Variants in UMAD1 observed in about 807,000 individuals in gnomAD.
The protein encoded by UMAD1 is UBAP1-MVB12-associated (UMA)-domain containing protein 1.
Under a neutral mutation model 6.1 loss-of-function variants are expected in UMAD1, and 8 were observed. The ratio of observed to expected loss-of-function variants is 1.30; its 90% CI spans 0.76 to 2.35. The LOEUF (loss-of-function observed/expected upper bound fraction) is 2.35, where lower values mean the gene tolerates loss of function less well. UMAD1 is among the 30% of genes most tolerant of loss of function. UMAD1 has a pLI of 0.00. For synonymous variants in UMAD1, 56 were observed against 31.4 expected, an observed-to-expected ratio of 1.78 and a Z score of -2.61; for missense variants, 130 against 78.4, an observed-to-expected ratio of 1.66 and a Z score of -2.49.
chr7:7,640,900 G>C, intron 1 of UMAD1, 79 bp downstream of exon 1: 1 of 172,222 alleles, frequency 5.8e-6, no homozygotes. Flanking sequence ...GAGCTAGGCG[G>C]GAGTCGGCAC....
At chr7:7,720,527 A>G (rs1028162368) in intron 2 of UMAD1, among the ~76,000 whole-genome samples, 1 of 152,214 alleles carries the variant, frequency 6.6e-6, no homozygotes, top group Non-Finnish European at 1.5e-5. Flanking sequence ...TTAGTACAGT[A>G]CTATAGTGCT....
chr7:7,667,913 T>C (rs1470922767), intron 1 of UMAD1, among the ~76,000 whole-genome samples: 4 of 152,196 alleles, frequency 2.6e-5, no homozygotes, highest in African/African-American at 4.8e-5. Flanking sequence ...ATACTTAACC[T>C]AGTTTTTCAC....
intron 2 of UMAD1, among the ~76,000 whole-genome samples, chr7:7,677,713 G>A (rs1229753039): frequency 7.8e-5 from 9 of 115,932 alleles, no homozygotes; most frequent in Admixed American, 2.3e-4. Context: ...TCGCTCTGTC[G>A]CCCAGGCTGG....
At chr7:7,805,959 A>C (rs1202945354) in intron 3 of UMAD1, among the ~76,000 whole-genome samples, 1 of 152,214 alleles carries the variant, frequency 6.6e-6, no homozygotes, top group African/African-American at 2.4e-5. Context: ...GTATGTCTAG[A>C]ATAGTGTCTG....
At chr7:7,648,406 G>T (rs540508835) in intron 1 of UMAD1, among the ~76,000 whole-genome samples, 3 of 152,258 alleles carry the variant, frequency 2.0e-5, no homozygotes, top group African/African-American at 7.2e-5. Flanking sequence ...TGTTCCAGGT[G>T]TGTCTGTCTT....
intron 3 of UMAD1, among the ~76,000 whole-genome samples, chr7:7,818,723 G>T (rs954740265): frequency 5.3e-5 from 8 of 152,186 alleles, no homozygotes; most frequent in African/African-American, 1.9e-4. Flanking sequence ...TATGTTCATT[G>T]TAGCACTATT....
At chr7:7,783,940 A>G (rs1335279946) in intron 2 of UMAD1, among the ~76,000 whole-genome samples, 1 of 152,240 alleles carries the variant, frequency 6.6e-6, no homozygotes, top group Non-Finnish European at 1.5e-5. Context: ...GAAATTAAAG[A>G]TGAAGAAGAA....
intron 2 of UMAD1, among the ~76,000 whole-genome samples, chr7:7,796,540 C>T (rs534534890): frequency 7.9e-5 from 12 of 152,048 alleles, no homozygotes; most frequent in African/African-American, 2.2e-4. Context: ...CGTGAGCCAC[C>T]GTGCCCGGCC....
At chr7:7,679,870 A>G (rs1264338098) in intron 2 of UMAD1, among the ~76,000 whole-genome samples, 1 of 151,396 alleles carries the variant, frequency 6.6e-6, no homozygotes, top group Non-Finnish European at 1.5e-5. Context: ...TGGCCTGCCC[A>G]TTTTAAAATT....
At chr7:7,854,872 T>G (rs1783986105) in intron 3 of UMAD1, among the ~76,000 whole-genome samples, 1 of 152,206 alleles carries the variant, frequency 6.6e-6, no homozygotes, top group Non-Finnish European at 1.5e-5. Flanking sequence ...GCAGGTTAGT[T>G]GCTTCCTAGA....
At chr7:7,789,613 C>G (rs1039058011) in intron 2 of UMAD1, among the ~76,000 whole-genome samples, 1 of 121,954 alleles carries the variant, frequency 8.2e-6, no homozygotes, top group Admixed American at 7.8e-5. Flanking sequence ...AACAAAATAC[C>G]CCTTCTCCCC....
chr7:7,667,709 C>A (rs17546242), intron 1 of UMAD1, among the ~76,000 whole-genome samples: 1 of 152,148 alleles, frequency 6.6e-6, no homozygotes, highest in Non-Finnish European at 1.5e-5. Flanking sequence ...CTGACAAAGA[C>A]AGAAATGGAA....
intron 1 of UMAD1, among the ~76,000 whole-genome samples, chr7:7,656,098 G>C (rs1785335583): frequency 6.6e-6 from 1 of 152,066 alleles, no homozygotes; most frequent in Non-Finnish European, 1.5e-5. Flanking sequence ...GCCTCCCAAA[G>C]TACTGAGATT....
intron 2 of UMAD1, among the ~76,000 whole-genome samples, chr7:7,696,543 C>T (rs1343469595): frequency 6.6e-6 from 1 of 152,088 alleles, no homozygotes; most frequent in Non-Finnish European, 1.5e-5. Flanking sequence ...GTCATTTGAT[C>T]CCAGGGAAGT....
chr7:7,693,067 A>G (rs949967536), intron 2 of UMAD1, among the ~76,000 whole-genome samples: 2 of 152,128 alleles, frequency 1.3e-5, no homozygotes, highest in African/African-American at 4.8e-5. Flanking sequence ...TATCTACTTC[A>G]TTATTCTGTA....
intron 3 of UMAD1, among the ~76,000 whole-genome samples, chr7:7,860,669 G>A (rs1045239567): frequency 6.6e-6 from 1 of 150,452 alleles, no homozygotes; most frequent in Non-Finnish European, 1.5e-5. Context: ...CAGTTACTCG[G>A]GAGGCTGAGG....
At chr7:7,753,993 G>A (rs1781728699) in intron 2 of UMAD1, among the ~76,000 whole-genome samples, 3 of 152,082 alleles carry the variant, frequency 2.0e-5, no homozygotes, top group Admixed American at 2.0e-4. Context: ...AGACCAGCCT[G>A]ACCAACATGG....
At chr7:7,678,138 T>C (rs949369182) in intron 2 of UMAD1, among the ~76,000 whole-genome samples, 3 of 21,540 alleles carry the variant, frequency 1.4e-4, no homozygotes, top group Non-Finnish European at 2.4e-4. Context: ...GTAGTTCTGT[T>C]TTTAGTTTTT....
intron 1 of UMAD1, among the ~76,000 whole-genome samples, chr7:7,672,281 AGTT>A (rs915060113): frequency 2.4e-4 from 37 of 152,232 alleles, no homozygotes; most frequent in African/African-American, 8.2e-4. Context: ...CTTTCTCCCC[AGTT>A]GTTTTCTAGA....
Sources: allele counts gnomAD v4.1 joint callset (sites outside exome capture counted in the v4.1 genomes callset), GRCh38; gene constraint gnomAD v4.1.1; transcripts MANE v1.5; gene names NCBI Gene and HGNC (gene_info 2026-07-23, HGNC 2026-07-21).